The following ACIN1 variants were observed in gnomAD, a reference collection of about 807,000 sequenced individuals.
ACIN1 encodes apoptotic chromatin condensation inducer in the nucleus.
In ACIN1, 16 loss-of-function variants were observed where a neutral mutation model predicts 146.6. The ratio of observed to expected loss-of-function variants is 0.11; its 90% CI spans 0.07 to 0.17. ACIN1 has a LOEUF of 0.17. Among genes scored for constraint, ACIN1 ranks in the 10% least tolerant of loss-of-function variants. The pLI is 1.00. For missense variants in ACIN1, 1,357 were observed against 1,609.3 expected, an observed-to-expected ratio of 0.84 and a Z score of 2.68; for synonymous variants, 569 against 582.7, an observed-to-expected ratio of 0.98 and a Z score of 0.34.
chr14:23,067,611 C>T lies in ACIN1; in HGVS notation c.2266-1603G>A. 1.0e-6 allele frequency: 1 copy of T among 985,956 alleles called. No individual in the cohort carries two copies. Among genetic ancestry groups the T allele is most frequent in the Non-Finnish European group, 1.2e-6 (1 of 829,998 alleles). The allele number at this position is 985,956 out of a possible 1,614,324, so 61.1% of individuals were successfully genotyped here. ...GATAGAGGGGGGAAAGGGGCAGAGA[C>T]ATCAGTCCTGGCCCTGAAGGGACAT... On this transcript the variant is annotated intron_variant, in intron 9 of 18. Transcript: ENST00000605057. This position sits in a 1 kb window ranked among gnomAD's most constrained non-coding sequence, Gnocchi z 4.6.
Position 23,064,277 on chromosome 14 carries a change from C to G in ACIN1, c.2443-20G>C, listed in dbSNP as rs760783145. The G allele has an allele frequency of 1.1e-5, 17 of 1,613,982 alleles. No homozygotes were observed. The highest frequency in any genetic ancestry group is 1.7e-5 in the Admixed American group (1 of 60,024). ...GAGGCTCTGGGACACAGATACCCCC[C>G]ACCCCGTTACACTGGGCCCATGTCT... On this transcript the variant is annotated intron_variant, in intron 11 of 18. Coordinates refer to ENST00000605057, the MANE Select transcript of ACIN1 (RefSeq NM_001386863.1).
rs374615971 is a variant in ACIN1 at position 23,062,401 on chromosome 14, G to T, written c.2991+15C>A. On this transcript the variant is annotated intron_variant, in intron 15 of 18. Transcript: ENST00000605057. ...ATATATGCCATGACCTATAGAATCA[G>T]CTTCTTCCCCTCACCGTTACAAAGC... The T allele has an allele frequency of 6.2e-6, 10 of 1,613,068 alleles. No individual in the cohort carries two copies. In the African/African-American group the frequency reaches 1.2e-4, roughly 19 times the overall value.
chr14:23,059,521 C>T lies in ACIN1; in HGVS notation c.3526-47G>A, dbSNP rs113310563. 3,618 of 1,502,922 alleles carry T rather than the reference C, an allele frequency of 2.4e-3. 68 individuals carry two copies. The African/African-American group carries it at 0.043, about 18-fold the overall frequency. 93.1% of individuals were successfully genotyped at this position (1,502,922 alleles called of 1,614,324 possible). A position where few individuals can be genotyped will look rare whatever the true frequency, so the allele number is the denominator to read the frequency against. The stretch of plus-strand genomic sequence containing the variant: ...AGAGAATAGGCAGCTCAGTCCTGGT[C>T]ACAGCCTCCATTTGTGCCTGGACCC... On this transcript the variant is annotated intron_variant, in intron 18 of 18. Coordinates refer to ENST00000605057, the MANE Select transcript of ACIN1 (RefSeq NM_001386863.1).
chr14:23,065,482 A>G (rs2047423739), intron 10 of ACIN1, among the ~76,000 whole-genome samples: 1 of 152,094 alleles, frequency 6.6e-6, no homozygotes, highest in South Asian at 2.1e-4. Flanking sequence ...GCTACTCAGG[A>G]GGCGGAGGAG....
At chr14:23,092,924 G>A (rs1249703283) in intron 2 of ACIN1, among the ~76,000 whole-genome samples, 1 of 152,130 alleles carries the variant, frequency 6.6e-6, no homozygotes, top group Admixed American at 6.5e-5. Flanking sequence ...TCATATTACA[G>A]ATAAGGAAAT....
chr14:23,089,517 G>A (rs969044838), intron 4 of ACIN1, among the ~76,000 whole-genome samples: 1 of 152,200 alleles, frequency 6.6e-6, no homozygotes, highest in Non-Finnish European at 1.5e-5. Context: ...GTCCTCACTA[G>A]ACTAAGTTTC....
At chr14:23,095,250 T>A (rs998473650), upstream of ACIN1, 1 of 1,437,130 alleles carries the variant, frequency 7.0e-7, no homozygotes, top group Non-Finnish European at 9.5e-7. Flanking sequence ...ACTCCCCGGG[T>A]TCCTCCGGAT....
In ACIN1 at chr14:23,095,067, C is replaced by A. The variant is rs1196660267; in HGVS notation, c.46G>T (p.Ala16Ser). The change falls in exon 1 of 19, where the codon GCG becomes TCG. Residue 16 changes from alanine (A) to serine (S), a missense_variant. Transcript: ENST00000605057. The part of the protein sequence containing the change: ...EVTLDGKPLQ[A>S]LRVTDLKAAL... ...GCCTTCAGGTCGGTCACCCGCAGCGCCTGAAGAGGCTTCCCGTCCAGAGTC... is the reference window on the plus strand; with the variant it reads ...GCCTTCAGGTCGGTCACCCGCAGCGACTGAAGAGGCTTCCCGTCCAGAGTC... The A allele has an allele frequency of 8.7e-6, 14 of 1,614,006 alleles. No homozygotes were observed. The highest frequency in any genetic ancestry group is 1.2e-5 in the Non-Finnish European group (14 of 1,180,058).
Position 23,094,782 on chromosome 14 carries a change from G to A in ACIN1, c.138+193C>T, listed in dbSNP as rs890877788. ...TCCCATTTGGGCTCGCGCTGCTGCCGTTAAGGCGGGAACCGGCGCGATCTC... is the reference window on the plus strand; with the variant it reads ...TCCCATTTGGGCTCGCGCTGCTGCCATTAAGGCGGGAACCGGCGCGATCTC... On this transcript the variant is annotated intron_variant, in intron 1 of 18. Transcript: ENST00000605057. The A allele has an allele frequency of 3.3e-6, 3 of 900,270 alleles. No individual in the cohort carries two copies. The Admixed American group carries it at 8.7e-5, about 26-fold the overall frequency. 55.8% of individuals were successfully genotyped at this position (900,270 alleles called of 1,614,324 possible).
intron 4 of ACIN1, among the ~76,000 whole-genome samples, chr14:23,085,465 A>G (rs892608602): frequency 9.2e-5 from 14 of 152,310 alleles, no homozygotes; most frequent in Non-Finnish European, 2.1e-4. Flanking sequence ...ATTGAATTAT[A>G]ATGTTATTTT....
Position 23,059,114 on chromosome 14 carries a change from G to A in ACIN1, c.*34C>T. The A allele has an allele frequency of 1.2e-6, 2 of 1,603,676 alleles. No individual in the cohort carries two copies. The highest frequency in any genetic ancestry group is 1.1e-5 in the South Asian group (1 of 90,310). On this transcript the variant is annotated 3_prime_UTR_variant, in exon 19 of 19. Coordinates refer to ENST00000605057, the MANE Select transcript of ACIN1 (RefSeq NM_001386863.1). ...TGTGGCCATAACCCCCTGGGGCCGAGTGGCTGGTACCTGCAGCTCTAGTGT... is the reference window on the plus strand; with the variant it reads ...TGTGGCCATAACCCCCTGGGGCCGAATGGCTGGTACCTGCAGCTCTAGTGT...
At chr14:23,090,966 G>A (rs1489638008) in intron 2 of ACIN1, among the ~76,000 whole-genome samples, 4 of 152,132 alleles carry the variant, frequency 2.6e-5, no homozygotes, top group Non-Finnish European at 5.9e-5. Context: ...GTGCAGTGGC[G>A]TGATCTTCCC....
At chr14:23,084,901 T>C (rs889526715) in intron 4 of ACIN1, among the ~76,000 whole-genome samples, 1 of 152,106 alleles carries the variant, frequency 6.6e-6, no homozygotes, top group Non-Finnish European at 1.5e-5. Flanking sequence ...TGATCTGAAA[T>C]AGGCTAAGTT....
At chr14:23,066,212 T>A in intron 9 of ACIN1, 1 of 523,878 alleles carries the variant, frequency 1.9e-6, no homozygotes, top group Non-Finnish European at 3.4e-6. Flanking sequence ...CAATGCAAGT[T>A]AGAGAAAAAA....
chr14:23,073,673 A>C (rs971955988), intron 8 of ACIN1, among the ~76,000 whole-genome samples: 1 of 152,052 alleles, frequency 6.6e-6, no homozygotes, highest in Non-Finnish European at 1.5e-5. Context: ...AAAGAAAAAA[A>C]TTTTTTTAAT....
Position 23,080,034 on chromosome 14 carries a change from G to A in ACIN1, c.1301C>T (p.Ala434Val), listed in dbSNP as rs2140154890. The part of the protein sequence containing the change: ...SPSDTKAESP[A>V]EKVPEESVLP... ...GACACTCTCCTCTGGCACTTTCTCT[G>A]CTGGAGATTCTGCTTTGGTGTCTGA... The change falls in exon 6 of 19, where the codon GCA becomes GTA. Residue 434 changes from alanine to valine, a missense_variant. Coordinates refer to ENST00000605057, the MANE Select transcript of ACIN1 (RefSeq NM_001386863.1). The A allele has an allele frequency of 6.2e-7, 1 of 1,614,128 alleles. No individual in the cohort carries two copies. The highest frequency in any genetic ancestry group is 1.7e-4 in the Middle Eastern group (1 of 6,056).
intron 2 of ACIN1, among the ~76,000 whole-genome samples, chr14:23,092,025 T>C (rs2048242858): frequency 2.6e-5 from 4 of 152,152 alleles, no homozygotes; most frequent in Admixed American, 2.6e-4. Context: ...ATTCAGCATT[T>C]AGACAAAGTT....
Position 23,058,718 on chromosome 14 carries a change from A to C in ACIN1, c.*430T>G. 5.3e-6 allele frequency: 1 copy of C among 188,022 alleles called. No homozygotes were observed. The highest frequency in any genetic ancestry group is 1.1e-5 in the Non-Finnish European group (1 of 88,902). The allele number at this position is 188,022 out of a possible 1,614,324, so 11.6% of individuals were successfully genotyped here. On this transcript the variant is annotated 3_prime_UTR_variant, in exon 19 of 19. Transcript: ENST00000605057. Reference sequence around the variant, plus strand: ...GGCTGCAGGACAGAAGAGACTGGGAACTGCAGGGGCCCTGGGACTCAGGAG... The same window carrying C: ...GGCTGCAGGACAGAAGAGACTGGGACCTGCAGGGGCCCTGGGACTCAGGAG...
chr14:23,063,793 G>A (rs1401232488), intron 12 of ACIN1, among the ~76,000 whole-genome samples: 2 of 152,164 alleles, frequency 1.3e-5, no homozygotes, highest in Non-Finnish European at 2.9e-5. Flanking sequence ...AATTTTTTCT[G>A]TAGAGCAAAG....
Sources: gnomAD v4.1 joint callset for allele counts (sites outside exome capture counted in the v4.1 genomes callset) on GRCh38, gnomAD v4.1.1 for gene constraint, Gnocchi (gnomAD v3.1) non-coding constraint, MANE v1.5 for transcripts, NCBI Gene and HGNC (gene_info 2026-07-23, HGNC 2026-07-21) for gene names.